The following EPHA3 variants were observed in gnomAD, a reference collection of about 807,000 sequenced individuals.
EPHA3 encodes ephrin type-A receptor 3.
A neutral mutation model predicts 107.1 loss-of-function variants in EPHA3; 42 were observed. That is an observed-to-expected ratio of 0.39 (90% CI 0.31 to 0.51). EPHA3 has a LOEUF of 0.51. Among genes scored for constraint, EPHA3 ranks in the 20% least tolerant of loss-of-function variants. The probability of loss-of-function intolerance (pLI) is 0.78; values close to 1 mark genes in which losing one functional copy is unlikely to be tolerated. For synonymous variants in EPHA3, 461 were observed against 424.8 expected, an observed-to-expected ratio of 1.09 and a Z score of -1.05; for missense variants, 1,183 against 1,211.2, an observed-to-expected ratio of 0.98 and a Z score of 0.35.
intron 3 of EPHA3, among the ~76,000 whole-genome samples, chr3:89,294,848 T>C (rs1298143040): frequency 6.6e-6 from 1 of 152,174 alleles, no homozygotes; most frequent in African/African-American, 2.4e-5. Flanking sequence ...TTGCATGCCA[T>C]GTAATTATTT....
intron 2 of EPHA3, among the ~76,000 whole-genome samples, chr3:89,177,097 T>C (rs11128070): frequency 0.95 from 144,665 of 152,096 alleles, 68,882 homozygotes; most frequent in African/African-American, 0.97. Context: ...TGTGTGCACG[T>C]GTGTATGTGT....
At chr3:89,472,198 T>C (rs573340086) in intron 15 of EPHA3, among the ~76,000 whole-genome samples, 3 of 152,316 alleles carry the variant, frequency 2.0e-5, no homozygotes, top group Admixed American at 6.5e-5. Flanking sequence ...TATGTATGGA[T>C]ATATTTATGT....
In EPHA3 at chr3:89,345,619, CTT is replaced by C. The variant is rs1219671631; in HGVS notation, c.1306+3540_1306+3541del. 2.5e-3 allele frequency among the ~76,000 whole-genome samples: 299 copies of C among 118,030 alleles called. 3 individuals are homozygous for C. The highest frequency in any genetic ancestry group is 7.7e-3 in the African/African-American group (243 of 31,666). The allele number at this position is 118,030 out of a possible 152,430, so 77.4% of individuals were successfully genotyped here. A position where few individuals can be genotyped will look rare whatever the true frequency, so the allele number is the denominator to read the frequency against. ...CAGTGACAATTTCTTTTTTTTTTTTCTTTTTTTTTTTTATACTTTAAGTTTTA... is the reference window on the plus strand; with the variant it reads ...CAGTGACAATTTCTTTTTTTTTTTTCTTTTTTTTTTATACTTTAAGTTTTA... On this transcript the variant is annotated intron_variant, in intron 5 of 16. Transcript: ENST00000336596.
intron 2 of EPHA3, among the ~76,000 whole-genome samples, chr3:89,166,102 G>C (rs956016618): frequency 4.6e-5 from 7 of 152,146 alleles, no homozygotes; most frequent in Admixed American, 2.0e-4. Flanking sequence ...CACTGCATGA[G>C]ATCTCTGTCT....
At chr3:89,258,505 T>A (rs1487384620) in intron 3 of EPHA3, among the ~76,000 whole-genome samples, 2 of 152,134 alleles carry the variant, frequency 1.3e-5, no homozygotes, top group African/African-American at 4.8e-5. Context: ...ACAAATTTCT[T>A]TCAAATGGCT....
intron 3 of EPHA3, among the ~76,000 whole-genome samples, chr3:89,228,635 G>A (rs1456238869): frequency 1.3e-5 from 2 of 151,742 alleles, no homozygotes; most frequent in Non-Finnish European, 2.9e-5. Context: ...AACCATTAAG[G>A]CATTATACAA....
chr3:89,185,229 C>T (rs1430251433), intron 2 of EPHA3, among the ~76,000 whole-genome samples: 2 of 151,904 alleles, frequency 1.3e-5, no homozygotes, highest in African/African-American at 4.8e-5. Flanking sequence ...CCTTGTCAAA[C>T]ATTTATTTAT....
chr3:89,297,863 C>T (rs1382706725), intron 3 of EPHA3, among the ~76,000 whole-genome samples: 7 of 152,020 alleles, frequency 4.6e-5, no homozygotes, highest in African/African-American at 1.4e-4. Context: ...GGCAAAACCC[C>T]GTCTCTACTA....
intron 3 of EPHA3, among the ~76,000 whole-genome samples, chr3:89,321,006 CT>C (rs1040374185): frequency 3.8e-4 from 58 of 151,252 alleles, no homozygotes; most frequent in Non-Finnish European, 5.9e-4. Flanking sequence ...GAGAGACTGC[CT>C]TTTTTTTTCT....
At chr3:89,256,215 C>A (rs1189631545) in intron 3 of EPHA3, among the ~76,000 whole-genome samples, 1 of 151,826 alleles carries the variant, frequency 6.6e-6, no homozygotes, top group Non-Finnish European at 1.5e-5. Context: ...TGCACCACTG[C>A]ACTCCTGCCT....
intron 3 of EPHA3, among the ~76,000 whole-genome samples, chr3:89,225,064 T>C (rs1340736755): frequency 6.6e-6 from 1 of 152,072 alleles, no homozygotes; most frequent in Non-Finnish European, 1.5e-5. Context: ...TGAAAGTTAT[T>C]TGGAAATTAT....
chr3:89,326,501 C>T (rs1411200631), intron 3 of EPHA3, among the ~76,000 whole-genome samples: 1 of 151,956 alleles, frequency 6.6e-6, no homozygotes, highest in Non-Finnish European at 1.5e-5. Context: ...GTGGTCCTCC[C>T]ACATCAGCCT....
At position 89,436,502 on chromosome 3, in the gene EPHA3, A is replaced by AGAGCGTAGTT. The variant is rs200309209; in HGVS notation, c.2346+5145_2346+5154dup. ...CCTCTGAAAGTTACTGCCTGTAGGT[A>AGAGCGTAGTT]GAGCGTAGTTGCACTGAAGAGTCAT... On this transcript the variant is annotated intron_variant, in intron 13 of 16. Coordinates refer to ENST00000336596, the MANE Select transcript of EPHA3 (RefSeq NM_005233.6). Among the ~76,000 whole-genome samples, 740 of 152,336 alleles carry AGAGCGTAGTT rather than the reference A, an allele frequency of 4.9e-3. 28 individuals carry two copies. The highest frequency in any genetic ancestry group is 0.041 in the Admixed American group (630 of 15,290).
At chr3:89,209,717 C>T (rs1265420286) in intron 2 of EPHA3, 143 bp from the exon 3 acceptor site, 1 of 654,776 alleles carries the variant, frequency 1.5e-6, no homozygotes, top group South Asian at 3.0e-5. Flanking sequence ...ACTCAGAGAA[C>T]CTTGCAAATA....
At chr3:89,426,019 A>G (rs573568021) in intron 11 of EPHA3, among the ~76,000 whole-genome samples, 1 of 151,808 alleles carries the variant, frequency 6.6e-6, no homozygotes, top group East Asian at 1.9e-4. Context: ...GCAAAACTCC[A>G]CTGCAAATTT....
intron 7 of EPHA3, among the ~76,000 whole-genome samples, chr3:89,402,143 A>G (rs186979113): frequency 6.6e-5 from 10 of 152,346 alleles, no homozygotes; most frequent in Admixed American, 2.6e-4. Flanking sequence ...ATATTTTAAA[A>G]TTGTAATGTA....
chr3:89,445,612 A>G (rs1397660395), intron 13 of EPHA3, among the ~76,000 whole-genome samples: 1 of 152,174 alleles, frequency 6.6e-6, no homozygotes, highest in Admixed American at 6.5e-5. Context: ...TTGTAATAAC[A>G]TGTCCAAAAT....
intron 2 of EPHA3, among the ~76,000 whole-genome samples, chr3:89,196,374 G>A (rs1030079239): frequency 2.0e-5 from 3 of 152,040 alleles, no homozygotes; most frequent in African/African-American, 7.2e-5. Flanking sequence ...ACTTAATTTT[G>A]TTTTGTTGTA....
intron 3 of EPHA3, among the ~76,000 whole-genome samples, chr3:89,273,947 G>A (rs555317085): frequency 3.8e-4 from 58 of 151,884 alleles, no homozygotes; most frequent in Non-Finnish European, 6.9e-4. Context: ...AAAAAGCACA[G>A]AAATGTGAAA....
Sources: allele counts gnomAD v4.1 joint callset (sites outside exome capture counted in the v4.1 genomes callset), GRCh38; gene constraint gnomAD v4.1.1; transcripts MANE v1.5; gene names NCBI Gene and HGNC (gene_info 2026-07-23, HGNC 2026-07-21).